ADGRL3: variants seen among roughly 807,000 people sequenced by gnomAD.
ADGRL3 encodes adhesion G protein-coupled receptor L3.
Under a neutral mutation model 153.5 loss-of-function variants are expected in ADGRL3, and 62 were observed. That is an observed-to-expected ratio of 0.40 (90% CI 0.33 to 0.50). The LOEUF is 0.50. ADGRL3 is among the 20% of genes least tolerant of loss of function. The pLI, the probability that ADGRL3 is intolerant of heterozygous loss-of-function variation, is 0.47. For missense variants in ADGRL3, 1,641 were observed against 1,859.4 expected (o/e 0.88, Z 2.16); for synonymous variants, 710 against 672.5 (o/e 1.06, Z -0.86).
At chr4:61,697,882 A>C (rs574248708) in intron 6 of ADGRL3, among the ~76,000 whole-genome samples, 170 of 152,254 alleles carry the variant, frequency 1.1e-3, no homozygotes, top group African/African-American at 3.9e-3. Context: ...AACCAGAAAA[A>C]AATTCTGTTA....
intron 2 of ADGRL3, among the ~76,000 whole-genome samples, chr4:61,398,686 A>G (rs1429327567): frequency 6.6e-6 from 1 of 151,140 alleles, no homozygotes; most frequent in Admixed American, 6.6e-5. Flanking sequence ...CTGGTTTACA[A>G]TGTCTTTCAC....
chr4:61,696,398 C>A (rs1313264940), intron 6 of ADGRL3, among the ~76,000 whole-genome samples: 1 of 152,068 alleles, frequency 6.6e-6, no homozygotes, highest in African/African-American at 2.4e-5. Flanking sequence ...TTTTGTAAGA[C>A]AATGGTAGAC....
At chr4:61,939,413 A>G (rs915000711) in intron 15 of ADGRL3, among the ~76,000 whole-genome samples, 1 of 151,396 alleles carries the variant, frequency 6.6e-6, no homozygotes, top group African/African-American at 2.4e-5. Flanking sequence ...TCCTCTCCTC[A>G]CCTAATAAAA....
intron 5 of ADGRL3, among the ~76,000 whole-genome samples, chr4:61,634,172 A>G (rs560017963): frequency 6.6e-6 from 1 of 152,124 alleles, no homozygotes; most frequent in Non-Finnish European, 1.5e-5. Context: ...TTTATAACAT[A>G]AAAATAAAGT....
intron 4 of ADGRL3, among the ~76,000 whole-genome samples, chr4:61,535,877 A>C (rs1316273169): frequency 6.6e-6 from 1 of 151,678 alleles, no homozygotes; most frequent in East Asian, 1.9e-4. Flanking sequence ...TATTCTTTGT[A>C]CTTTTAGGCT....
At chr4:61,695,603 A>G (rs1328328379) in intron 6 of ADGRL3, among the ~76,000 whole-genome samples, 2 of 152,164 alleles carry the variant, frequency 1.3e-5, no homozygotes, top group African/African-American at 4.8e-5. Context: ...CACTGGATTC[A>G]ACTTAAATTC....
intron 21 of ADGRL3, among the ~76,000 whole-genome samples, chr4:62,007,520 T>G (rs968537919): frequency 4.1e-5 from 6 of 146,798 alleles, no homozygotes; most frequent in Non-Finnish European, 6.0e-5. Flanking sequence ...TGGTGATAGA[T>G]TACACCTTCA....
At chr4:61,765,796 G>A (rs1239193213) in intron 8 of ADGRL3, among the ~76,000 whole-genome samples, 3 of 152,084 alleles carry the variant, frequency 2.0e-5, no homozygotes, top group Non-Finnish European at 4.4e-5. Flanking sequence ...GCCAGTCCTG[G>A]GTGGGGCAAA....
intron 5 of ADGRL3, among the ~76,000 whole-genome samples, chr4:61,619,179 G>C (rs1353731671): frequency 6.6e-6 from 1 of 152,166 alleles, no homozygotes; most frequent in Non-Finnish European, 1.5e-5. Flanking sequence ...AGAGTATACA[G>C]TAGGACAGAA....
intron 4 of ADGRL3, among the ~76,000 whole-genome samples, chr4:61,560,830 T>C (rs1186093962): frequency 6.6e-6 from 1 of 152,164 alleles, no homozygotes; most frequent in Non-Finnish European, 1.5e-5. Flanking sequence ...GAGATAAACC[T>C]ATCAGTTCTC....
Position 62,017,141 on chromosome 4 carries a change from T to C in ADGRL3, c.3396-11714T>C, listed in dbSNP as rs566734292. Among the ~76,000 whole-genome samples the C allele has an allele frequency of 2.0e-5, 3 of 152,220 alleles. No individual in the cohort carries two copies. In the East Asian group the frequency reaches 5.8e-4, roughly 29 times the overall value. ...GATGATATCATACTTAAATAATAAG[T>C]TAAAAATTATCTCTATACTTCTAAG... On this transcript the variant is annotated intron_variant, in intron 21 of 26. Coordinates refer to ENST00000683033, the MANE Select transcript of ADGRL3 (RefSeq NM_001387552.1).
rs2095148290 is a variant in ADGRL3, at chr4:61,314,815, A to G, written c.-239-68309A>G. Among the ~76,000 whole-genome samples, 4 of 152,196 alleles carry G rather than the reference A, an allele frequency of 2.6e-5. No homozygotes were observed. In the South Asian group the frequency reaches 8.3e-4, roughly 32 times the overall value. ...GGCTGCTTAACGTTCTATAATGCAT[A>G]GGACTGCCTCCCACAACAAAGAAAT... On this transcript the variant is annotated intron_variant, in intron 1 of 26. Transcript: ENST00000683033.
chr4:61,403,042 C>T (rs1301069191), intron 2 of ADGRL3, among the ~76,000 whole-genome samples: 1 of 78,654 alleles, frequency 1.3e-5, no homozygotes, highest in East Asian at 3.5e-4. Flanking sequence ...ATATCCCCAC[C>T]TGGCCTTTCC....
At chr4:61,592,229 A>G (rs979124905) in intron 5 of ADGRL3, among the ~76,000 whole-genome samples, 1 of 152,112 alleles carries the variant, frequency 6.6e-6, no homozygotes, top group Non-Finnish European at 1.5e-5. Context: ...GATTTTTTCA[A>G]TAGTGTGAGG....
intron 4 of ADGRL3, among the ~76,000 whole-genome samples, chr4:61,557,537 A>T (rs1170467279): frequency 6.6e-6 from 1 of 152,176 alleles, no homozygotes; most frequent in African/African-American, 2.4e-5. Flanking sequence ...GGGCATTTTA[A>T]TGATGGCACT....
At chr4:62,035,722 G>A (rs1724617460) in intron 23 of ADGRL3, among the ~76,000 whole-genome samples, 1 of 152,012 alleles carries the variant, frequency 6.6e-6, no homozygotes, top group Non-Finnish European at 1.5e-5. Flanking sequence ...TGCCTGTGCT[G>A]GTCAGTGATT....
chr4:62,057,611 A>T (rs940614116), intron 25 of ADGRL3, among the ~76,000 whole-genome samples: 5 of 152,194 alleles, frequency 3.3e-5, no homozygotes, highest in African/African-American at 4.8e-5. Flanking sequence ...TTCATCAGAA[A>T]TAAAAATTTT....
At chr4:61,701,913 G>C (rs867348015) in intron 6 of ADGRL3, among the ~76,000 whole-genome samples, 1 of 152,012 alleles carries the variant, frequency 6.6e-6, no homozygotes, top group Non-Finnish European at 1.5e-5. Context: ...TAAAGAAGGC[G>C]GTACTGAGAT....
intron 21 of ADGRL3, among the ~76,000 whole-genome samples, chr4:62,016,787 A>G (rs1232375975): frequency 1.3e-5 from 2 of 152,084 alleles, no homozygotes; most frequent in Non-Finnish European, 2.9e-5. Flanking sequence ...AATAACTGGT[A>G]TCTTTATGAG....
Sources: gnomAD v4.1 joint callset for allele counts (sites outside exome capture counted in the v4.1 genomes callset) on GRCh38, gnomAD v4.1.1 for gene constraint, MANE v1.5 for transcripts, NCBI Gene and HGNC (gene_info 2026-07-23, HGNC 2026-07-21) for gene names.